Variants in FBXL2 observed in about 807,000 individuals in gnomAD.
FBXL2 encodes the protein F-box and leucine rich repeat protein 2, also known as F-box/LRR-repeat protein 2.
A neutral mutation model predicts 69.2 loss-of-function variants in FBXL2; 38 were observed. That is an observed-to-expected ratio of 0.55 (90% CI 0.42 to 0.72). The LOEUF is 0.72. Ranked by LOEUF, FBXL2 falls within the 30% of genes least tolerant of loss-of-function variation. FBXL2 has a pLI of 0.00. For missense variants in FBXL2, 354 were observed against 520.3 expected, an observed-to-expected ratio of 0.68 and a Z score of 3.11; for synonymous variants, 192 against 201.3, an observed-to-expected ratio of 0.95 and a Z score of 0.39.
intron 2 of FBXL2, among the ~76,000 whole-genome samples, chr3:33,357,989 T>C (rs556908295): frequency 6.6e-6 from 1 of 152,332 alleles, no homozygotes; most frequent in Admixed American, 6.5e-5. Context: ...TACAACACTT[T>C]CATGTTTTAT....
intron 13 of FBXL2, 136 bp from the exon 14 acceptor site, chr3:33,383,853 C>T: frequency 1.4e-6 from 1 of 692,350 alleles, no homozygotes; most frequent in Non-Finnish European, 2.5e-6. Context: ...AGTCCAGGGG[C>T]TGGCATCTGC....
intron 13 of FBXL2, chr3:33,383,758 A>G (rs1399971818): frequency 5.8e-6 from 3 of 515,944 alleles, no homozygotes; most frequent in Non-Finnish European, 1.1e-5. Context: ...CTGCCTGATT[A>G]AATGTCTCAG....
intron 5 of FBXL2, among the ~76,000 whole-genome samples, chr3:33,366,356 G>A (rs1016495078): frequency 6.6e-6 from 1 of 152,104 alleles, no homozygotes; most frequent in African/African-American, 2.4e-5. Flanking sequence ...AGTGAATTGG[G>A]AAGTATTTCC....
chr3:33,320,873 C>T (rs1189823288), intron 2 of FBXL2, among the ~76,000 whole-genome samples: 2 of 151,914 alleles, frequency 1.3e-5, no homozygotes, highest in Non-Finnish European at 2.9e-5. Flanking sequence ...CTTTATTCAT[C>T]AAAAAACACC....
the FBXL2 span, chr3:33,412,797 G>A: frequency 2.2e-5 from 36 of 1,613,682 alleles, no homozygotes; most frequent in African/African-American, 2.7e-5. Flanking sequence ...TATTGTAGCC[G>A]TCTGTCATGG....
chr3:33,296,072 G>C (rs2035723735), intron 1 of FBXL2, among the ~76,000 whole-genome samples: 1 of 152,058 alleles, frequency 6.6e-6, no homozygotes, highest in Admixed American at 6.5e-5. Flanking sequence ...TTGTTTGTTT[G>C]TTTGTGTTTC....
intron 2 of FBXL2, 38 bp downstream of exon 2, chr3:33,297,763 T>A: frequency 8.3e-7 from 1 of 1,198,796 alleles, no homozygotes; most frequent in Non-Finnish European, 1.2e-6. Context: ...AGTTTAGATC[T>A]GATTTAGTCA....
chr3:33,279,398 G>A lies in FBXL2; in HGVS notation c.3+1883G>A, dbSNP rs527493461. Among the ~76,000 whole-genome samples, 18 of 152,248 alleles carry A rather than the reference G, an allele frequency of 1.2e-4. No individual in the cohort carries two copies. The East Asian group carries it at 3.3e-3, about 28-fold the overall frequency. On this transcript the variant is annotated intron_variant, in intron 1 of 14. Coordinates refer to ENST00000484457, the MANE Select transcript of FBXL2 (RefSeq NM_012157.5). ...CCATTCTCCTGCCTCAGCCTCCCGA[G>A]TAGCTGGGACTACAGGCGAGTGCCA...
At chr3:33,303,701 G>A (rs1559511804) in intron 2 of FBXL2, among the ~76,000 whole-genome samples, 1 of 152,078 alleles carries the variant, frequency 6.6e-6, no homozygotes, top group Admixed American at 6.6e-5. Context: ...AAGATAAATA[G>A]TACAGTGGTG....
chr3:33,307,011 A>G (rs968847974), intron 2 of FBXL2, among the ~76,000 whole-genome samples: 7 of 152,048 alleles, frequency 4.6e-5, no homozygotes, highest in Admixed American at 2.0e-4. Context: ...CTATCCTTTT[A>G]TTTGCCAGTT....
chr3:33,371,576 A>G (rs1249486117), intron 5 of FBXL2, among the ~76,000 whole-genome samples: 1 of 152,208 alleles, frequency 6.6e-6, no homozygotes, highest in Non-Finnish European at 1.5e-5. Context: ...CAATAACATT[A>G]TAACTTTTAA....
chr3:33,408,655 C>T, downstream of FBXL2: 1 of 1,581,988 alleles, frequency 6.3e-7, no homozygotes. Context: ...CACAAGGTTT[C>T]TTGCACAATG....
downstream of FBXL2, chr3:33,392,676 T>G (rs889821651): frequency 1.1e-5 from 16 of 1,450,420 alleles, no homozygotes; most frequent in Non-Finnish European, 1.5e-5. Flanking sequence ...CTTAAAATGA[T>G]TTTAAAACAG....
At position 33,383,513 on chromosome 3, in the gene FBXL2, T is replaced by C. The variant is rs1192172794; in HGVS notation, c.952-476T>C. 1.6e-5 allele frequency: 3 copies of C among 191,554 alleles called. No individual in the cohort carries two copies. In the Admixed American group the frequency reaches 1.6e-4, roughly 10 times the overall value. 11.9% of individuals were successfully genotyped at this position (191,554 alleles called of 1,614,324 possible). On this transcript the variant is annotated intron_variant, in intron 13 of 14. Coordinates refer to ENST00000484457, the MANE Select transcript of FBXL2 (RefSeq NM_012157.5). The stretch of plus-strand genomic sequence containing the variant: ...ATAACCTTCAAAGATGCTCAGTATA[T>C]CTCTGGGTCTCAGCTATTTGTGCAA...
At chr3:33,368,731 CGT>C (rs1331219352) in intron 5 of FBXL2, among the ~76,000 whole-genome samples, 1 of 152,002 alleles carries the variant, frequency 6.6e-6, no homozygotes, top group Non-Finnish European at 1.5e-5. Context: ...GGACCACAGG[CGT>C]GTGCCACCAC....
Position 33,355,705 on chromosome 3 carries a change from A to G in FBXL2, c.66-3262A>G, listed in dbSNP as rs189731973. 1.3e-3 allele frequency among the ~76,000 whole-genome samples: 204 copies of G among 152,258 alleles called. 1 individual carries two copies. Among genetic ancestry groups the G allele is most frequent in the Non-Finnish European group, 2.5e-3 (173 of 68,048 alleles). On this transcript the variant is annotated intron_variant, in intron 2 of 14. Transcript: ENST00000484457. The stretch of plus-strand genomic sequence containing the variant: ...TACTCCCCTGTGATTATTTATAACC[A>G]GGGTGCTATTGCAGTGCTTGCCTTG...
chr3:33,362,467 A>C (rs549473169), intron 4 of FBXL2, among the ~76,000 whole-genome samples: 10 of 152,022 alleles, frequency 6.6e-5, no homozygotes, highest in Admixed American at 5.3e-4. Flanking sequence ...TGAATATTGC[A>C]CTGAAATGGA....
intron 4 of FBXL2, among the ~76,000 whole-genome samples, chr3:33,362,806 T>C (rs112058393): frequency 0.014 from 2,116 of 151,072 alleles, 21 homozygotes; most frequent in South Asian, 0.027. Flanking sequence ...GCTTTTTTTT[T>C]TCCTGTTTAT....
chr3:33,420,016 T>C, the FBXL2 span, among the ~76,000 whole-genome samples: 47 of 152,314 alleles, frequency 3.1e-4, no homozygotes, highest in Admixed American at 2.2e-3. Context: ...AATATAACTG[T>C]TGTGATTCAT....
Sources: gnomAD v4.1 joint callset for allele counts (sites outside exome capture counted in the v4.1 genomes callset) on GRCh38, gnomAD v4.1.1 for gene constraint, MANE v1.5 for transcripts, NCBI Gene and HGNC (gene_info 2026-07-23, HGNC 2026-07-21) for gene names.